Variants in CDH13 observed in about 807,000 individuals in gnomAD.
CDH13 encodes the protein cadherin-13.
In CDH13, 24 loss-of-function variants were observed where a neutral mutation model predicts 63.8. That is an observed-to-expected ratio of 0.38 (90% CI 0.27 to 0.53). CDH13 has a LOEUF of 0.53. Ranked by LOEUF, CDH13 falls within the 20% of genes least tolerant of loss-of-function variation. The probability of loss-of-function intolerance (pLI) is 0.85; values close to 1 mark genes in which losing one functional copy is unlikely to be tolerated. For synonymous variants in CDH13, 503 were observed against 355.3 expected, an observed-to-expected ratio of 1.42 and a Z score of -4.67; for missense variants, 1,049 against 903.1, an observed-to-expected ratio of 1.16 and a Z score of -2.07.
At chr16:82,864,830 T>C (rs1323826758) in intron 2 of CDH13, among the ~76,000 whole-genome samples, 1 of 152,178 alleles carries the variant, frequency 6.6e-6, no homozygotes, top group East Asian at 1.9e-4. Flanking sequence ...AAGGTCCAAG[T>C]CCAAAGTCTC....
intron 6 of CDH13, among the ~76,000 whole-genome samples, chr16:83,414,214 A>T (rs2092168006): frequency 6.6e-6 from 1 of 152,140 alleles, no homozygotes. Flanking sequence ...AACATGCTCA[A>T]CCATTTTCTT....
intron 2 of CDH13, among the ~76,000 whole-genome samples, chr16:83,009,255 G>T (rs1913870338): frequency 6.6e-6 from 1 of 152,188 alleles, no homozygotes; most frequent in African/African-American, 2.4e-5. Context: ...TCTGAGAGGG[G>T]CTACTTCTGG....
chr16:82,940,377 C>G (rs1904275482), intron 2 of CDH13, among the ~76,000 whole-genome samples: 1 of 152,104 alleles, frequency 6.6e-6, no homozygotes, highest in African/African-American at 2.4e-5. Context: ...CCAGAATGAG[C>G]TAATAAACAT....
chr16:82,688,874 T>C (rs192746871), intron 1 of CDH13: 4 of 152,240 alleles, frequency 2.6e-5, no homozygotes, highest in Admixed American at 2.6e-4. Flanking sequence ...ATGTGACCAA[T>C]TTGCTTCTTG....
rs186260321 is a variant in CDH13, at chr16:83,081,002, C to G, written c.367-44383C>G. Among the ~76,000 whole-genome samples the G allele has an allele frequency of 3.9e-4, 59 of 150,542 alleles. 2 individuals carry two copies. In the East Asian group the frequency reaches 9.0e-3, roughly 23 times the overall value. On this transcript the variant is annotated intron_variant, in intron 3 of 13. Coordinates refer to ENST00000567109, the MANE Select transcript of CDH13 (RefSeq NM_001257.5). The stretch of plus-strand genomic sequence containing the variant: ...GTTCAAACGATTCCCCTGCCTCAGC[C>G]TCCCGAGTAACTGGGACTACAGGCA...
At chr16:83,413,711 T>G (rs11645054) in intron 6 of CDH13, among the ~76,000 whole-genome samples, 23,450 of 152,082 alleles carry the variant, frequency 0.15, 1,922 homozygotes, top group Middle Eastern at 0.18. Context: ...CTGTCTGCAG[T>G]GCACGGTGGC....
In CDH13 at chr16:82,813,948, T is replaced by C. The variant is rs533688906; in HGVS notation, c.46-44414T>C. 5.9e-5 allele frequency among the ~76,000 whole-genome samples: 9 copies of C among 152,250 alleles called. No homozygotes were observed. In the East Asian group the frequency reaches 1.5e-3, roughly 26 times the overall value. On this transcript the variant is annotated intron_variant, in intron 1 of 13. Coordinates refer to ENST00000567109, the MANE Select transcript of CDH13 (RefSeq NM_001257.5). ...AATAGGGATAATATTACCTACCTCATAAAACCATTGTCGAGACCCATCTAT... is the reference window on the plus strand; with the variant it reads ...AATAGGGATAATATTACCTACCTCACAAAACCATTGTCGAGACCCATCTAT...
intron 5 of CDH13, 56 bp from the exon 6 acceptor site, chr16:83,344,806 G>C: frequency 6.3e-7 from 1 of 1,588,210 alleles, no homozygotes; most frequent in Non-Finnish European, 8.6e-7. Flanking sequence ...AACCTTATTT[G>C]AATTTTCATA....
At position 83,059,798 on chromosome 16, in the gene CDH13, T is replaced by G. The variant is rs868535851; in HGVS notation, c.366+27580T>G. ...CTTTGTTTTTTTTTTTGTTTGTTTT[T>G]TTTTTTTTTTTTTTTAGAAGGAGTC... On this transcript the variant is annotated intron_variant, in intron 3 of 13. Transcript: ENST00000567109. 5.7e-3 allele frequency among the ~76,000 whole-genome samples: 831 copies of G among 146,648 alleles called. 6 individuals carry two copies. Among genetic ancestry groups the G allele is most frequent in the African/African-American group, 0.019 (748 of 39,522 alleles).
At chr16:82,996,265 GAA>G (rs1238298909) in intron 2 of CDH13, among the ~76,000 whole-genome samples, 1 of 150,074 alleles carries the variant, frequency 6.7e-6, no homozygotes, top group Admixed American at 6.6e-5. Flanking sequence ...GTAAGAAAAA[GAA>G]AAAAAAAGAG....
intron 11 of CDH13, among the ~76,000 whole-genome samples, chr16:83,749,446 A>G (rs1315606441): frequency 1.3e-5 from 2 of 152,220 alleles, no homozygotes; most frequent in Admixed American, 6.5e-5. Context: ...AATCAAAACT[A>G]GAAGGGGGCA....
intron 1 of CDH13, among the ~76,000 whole-genome samples, chr16:82,812,031 C>G (rs1564024): frequency 0.5 from 75,244 of 151,984 alleles, 20,232 homozygotes; most frequent in East Asian, 0.92. Flanking sequence ...GACCAGGTTA[C>G]GAAGGGATGT....
At chr16:83,457,658 C>G (rs964716705) in intron 6 of CDH13, among the ~76,000 whole-genome samples, 1 of 151,946 alleles carries the variant, frequency 6.6e-6, no homozygotes, top group Non-Finnish European at 1.5e-5. Context: ...GAGATGAGTT[C>G]AGGGCTTGAG....
At chr16:82,863,499 C>G (rs948055742) in intron 2 of CDH13, among the ~76,000 whole-genome samples, 2 of 152,184 alleles carry the variant, frequency 1.3e-5, no homozygotes, top group Non-Finnish European at 2.9e-5. Flanking sequence ...TCTATTAGCT[C>G]TGTGGCCATG....
At chr16:83,263,535 C>T (rs1364789672) in intron 5 of CDH13, among the ~76,000 whole-genome samples, 2 of 152,100 alleles carry the variant, frequency 1.3e-5, no homozygotes, top group African/African-American at 4.8e-5. Context: ...GTCTTGACTC[C>T]TCCCTAGCCA....
chr16:83,255,348 A>G (rs1372501141), intron 5 of CDH13, among the ~76,000 whole-genome samples: 1 of 152,186 alleles, frequency 6.6e-6, no homozygotes, highest in African/African-American at 2.4e-5. Flanking sequence ...GGTTGCAAGG[A>G]GTGTATTTGT....
intron 6 of CDH13, among the ~76,000 whole-genome samples, chr16:83,483,904 G>C (rs1331443081): frequency 2.0e-5 from 3 of 152,206 alleles, no homozygotes; most frequent in Non-Finnish European, 4.4e-5. Context: ...ATGGGAGACA[G>C]AGTCATGCTG....
intron 5 of CDH13, among the ~76,000 whole-genome samples, chr16:83,256,238 G>T (rs536880624): frequency 2.0e-5 from 3 of 152,106 alleles, no homozygotes; most frequent in East Asian, 3.9e-4. Flanking sequence ...TTGCCATGTT[G>T]CCCAGGCTGG....
intron 13 of CDH13, among the ~76,000 whole-genome samples, chr16:83,784,759 A>G (rs993750106): frequency 6.6e-6 from 1 of 151,838 alleles, no homozygotes; most frequent in Non-Finnish European, 1.5e-5. Context: ...CTTGTCTCTG[A>G]TGACTGTACC....
Sources: allele counts gnomAD v4.1 joint callset (sites outside exome capture counted in the v4.1 genomes callset), GRCh38; gene constraint gnomAD v4.1.1; transcripts MANE v1.5; gene names NCBI Gene and HGNC (gene_info 2026-07-23, HGNC 2026-07-21).